DAB1: variants seen among roughly 807,000 people sequenced by gnomAD.
DAB1 encodes disabled homolog 1.
In DAB1, 15 loss-of-function variants were observed where a neutral mutation model predicts 64.6. The ratio of observed to expected loss-of-function variants is 0.23; its 90% CI spans 0.16 to 0.36. The LOEUF (loss-of-function observed/expected upper bound fraction) is 0.36. Ranked by LOEUF, DAB1 falls within the 10% of genes least tolerant of loss-of-function variation. DAB1 has a pLI of 1.00. For synonymous variants in DAB1, 235 were observed against 251.9 expected (o/e 0.93, Z 0.64); for missense variants, 596 against 706.7 (o/e 0.84, Z 1.78).
rs116160421 is a variant in DAB1, at chr1:57,270,436, C to A, written c.67+20528G>T. ...TGTTTAGTACTTACCATGTGACAGA[C>A]AGCATACTAAGTGCTTCATAGCTAT... On this transcript the variant is annotated intron_variant, in intron 2 of 14. Transcript: ENST00000371236. Among the ~76,000 whole-genome samples the A allele has an allele frequency of 3.7e-3, 568 of 152,290 alleles. 4 individuals carry two copies. Among genetic ancestry groups the A allele is most frequent in the African/African-American group, 0.013 (535 of 41,554 alleles).
intron 4 of DAB1, among the ~76,000 whole-genome samples, chr1:58,200,789 C>A (rs944339348): frequency 6.6e-6 from 1 of 152,130 alleles, no homozygotes; most frequent in Non-Finnish European, 1.5e-5. Flanking sequence ...CCCAAAGAAC[C>A]AAGCTCCACT....
At chr1:58,503,496 A>G (rs1351883412) in intron 3 of DAB1, among the ~76,000 whole-genome samples, 4 of 152,138 alleles carry the variant, frequency 2.6e-5, no homozygotes, top group Non-Finnish European at 5.9e-5. Context: ...GCTGATATAG[A>G]GTGAATGTCT....
intron 1 of DAB1, among the ~76,000 whole-genome samples, chr1:57,870,330 G>A (rs1201249969): frequency 6.6e-6 from 1 of 152,122 alleles, no homozygotes; most frequent in African/African-American, 2.4e-5. Flanking sequence ...ACTTGGGGCT[G>A]CATAGAGTTA....
chr1:57,939,906 T>C (rs537422451), intron 5 of DAB1, among the ~76,000 whole-genome samples: 2 of 152,274 alleles, frequency 1.3e-5, no homozygotes, highest in East Asian at 3.9e-4. Flanking sequence ...AAAGAGAACA[T>C]TAAGGCCTAA....
intron 5 of DAB1, among the ~76,000 whole-genome samples, chr1:57,912,273 G>A (rs536029923): frequency 1.1e-4 from 17 of 152,156 alleles, no homozygotes; most frequent in Non-Finnish European, 1.8e-4. Flanking sequence ...ATCTAATTTC[G>A]TGGGTCTGTC....
chr1:57,787,915 G>A (rs914732827), intron 6 of DAB1, among the ~76,000 whole-genome samples: 2 of 151,264 alleles, frequency 1.3e-5, no homozygotes, highest in East Asian at 1.9e-4. Flanking sequence ...AAAGATACTC[G>A]GTATCATTCA....
intron 3 of DAB1, among the ~76,000 whole-genome samples, chr1:58,417,577 A>T (rs1425074248): frequency 6.6e-6 from 1 of 152,210 alleles, no homozygotes; most frequent in Non-Finnish European, 1.5e-5. Context: ...CTCCAGCCCT[A>T]AGGAAAGTAG....
chr1:57,423,654 G>A (rs1200290689), intron 1 of DAB1, among the ~76,000 whole-genome samples: 1 of 152,040 alleles, frequency 6.6e-6, no homozygotes. Context: ...ATCGCGCGTG[G>A]TCGGAAGTAG....
At chr1:57,596,824 T>A (rs7555213) in intron 7 of DAB1, among the ~76,000 whole-genome samples, 43,245 of 152,094 alleles carry the variant, frequency 0.28, 6,210 homozygotes, top group East Asian at 0.3. Flanking sequence ...AGCTCAAAAA[T>A]TACATACACT....
intron 5 of DAB1, among the ~76,000 whole-genome samples, chr1:57,902,301 T>G (rs78086475): frequency 0.04 from 6,086 of 152,254 alleles, 426 homozygotes; most frequent in African/African-American, 0.14. Context: ...ATACCTTTTC[T>G]ATATATTTTT....
At chr1:57,875,267 C>T (rs1367040412) in intron 1 of DAB1, 1 of 152,312 alleles carries the variant, frequency 6.6e-6, no homozygotes, top group Non-Finnish European at 1.5e-5. Context: ...TGGAGCCCTA[C>T]CTCCTGTCTC....
At chr1:58,470,538 A>G (rs144705194) in intron 3 of DAB1, among the ~76,000 whole-genome samples, 55 of 151,120 alleles carry the variant, frequency 3.6e-4, no homozygotes, top group African/African-American at 8.1e-4. Context: ...ATCACCCTCA[A>G]TGGTCCAGGA....
chr1:58,162,382 T>A (rs149158418), intron 4 of DAB1, among the ~76,000 whole-genome samples: 24 of 152,210 alleles, frequency 1.6e-4, no homozygotes, highest in South Asian at 6.3e-4. Flanking sequence ...ACTCATTTCC[T>A]CCCCACCTTC....
chr1:57,103,420 A>G (rs910861317), intron 4 of DAB1, among the ~76,000 whole-genome samples: 1 of 152,062 alleles, frequency 6.6e-6, no homozygotes, highest in African/African-American at 2.4e-5. Flanking sequence ...AAGACACTTA[A>G]CCTCTCTGAG....
At chr1:57,432,908 GA>G (rs1685567477) in intron 7 of DAB1, among the ~76,000 whole-genome samples, 1 of 151,234 alleles carries the variant, frequency 6.6e-6, no homozygotes, top group African/African-American at 2.5e-5. Flanking sequence ...AATAAATTCA[GA>G]GAGGTTAAAT....
At chr1:57,726,730 G>A (rs144559730) in intron 6 of DAB1, among the ~76,000 whole-genome samples, 20 of 152,214 alleles carry the variant, frequency 1.3e-4, no homozygotes, top group Middle Eastern at 3.4e-3. Context: ...GAATTAAGCC[G>A]CAAAGAAGTT....
chr1:58,415,905 T>C (rs1644715188), intron 3 of DAB1, among the ~76,000 whole-genome samples: 1 of 152,216 alleles, frequency 6.6e-6, no homozygotes, highest in Non-Finnish European at 1.5e-5. Context: ...ATCCATTAAA[T>C]AGAGTTATAA....
intron 7 of DAB1, among the ~76,000 whole-genome samples, chr1:57,472,370 C>T (rs1338488186): frequency 6.6e-6 from 1 of 152,094 alleles, no homozygotes; most frequent in Non-Finnish European, 1.5e-5. Context: ...GGGAGGAGAC[C>T]ACCCCTCATA....
intron 4 of DAB1, among the ~76,000 whole-genome samples, chr1:58,166,966 C>T (rs1426708237): frequency 3.3e-5 from 5 of 150,960 alleles, no homozygotes; most frequent in South Asian, 2.1e-4. Context: ...AGGCTGGTCT[C>T]GAACTTCTGG....
Sources: gnomAD v4.1 joint callset for allele counts (sites outside exome capture counted in the v4.1 genomes callset) on GRCh38, gnomAD v4.1.1 for gene constraint, MANE v1.5 for transcripts, NCBI Gene and HGNC (gene_info 2026-07-23, HGNC 2026-07-21) for gene names.